DPY19L2: variants seen among roughly 807,000 people sequenced by gnomAD.
DPY19L2 encodes the protein probable C-mannosyltransferase DPY19L2.
In DPY19L2, 34 loss-of-function variants were observed where a neutral mutation model predicts 97.9. The ratio of observed to expected loss-of-function variants is 0.35; its 90% CI spans 0.26 to 0.46. The LOEUF (loss-of-function observed/expected upper bound fraction) is 0.46, where lower values mean the gene tolerates loss of function less well. DPY19L2 is among the 20% of genes least tolerant of loss of function. DPY19L2 has a pLI of 1.00. For missense variants in DPY19L2, 623 were observed against 911.4 expected, an observed-to-expected ratio of 0.68 and a Z score of 4.07; for synonymous variants, 230 against 307.9, an observed-to-expected ratio of 0.75 and a Z score of 2.65.
intron 6 of DPY19L2, among the ~76,000 whole-genome samples, chr12:63,631,272 TC>T (rs1293252190): frequency 5.9e-4 from 89 of 151,934 alleles, no homozygotes; most frequent in African/African-American, 2.1e-3. Context: ...AATCAATGAA[TC>T]CAGGAGCTGG....
chr12:63,566,976 A>G (rs1217582595), intron 21 of DPY19L2, among the ~76,000 whole-genome samples: 2 of 152,084 alleles, frequency 1.3e-5, no homozygotes, highest in African/African-American at 4.8e-5. Flanking sequence ...CATCACCACA[A>G]ACGTTTACCA....
At chr12:63,652,596 A>G (rs1894412418) in intron 4 of DPY19L2, among the ~76,000 whole-genome samples, 1 of 152,228 alleles carries the variant, frequency 6.6e-6, no homozygotes, top group African/African-American at 2.4e-5. Flanking sequence ...TGCAGCCATT[A>G]TAAAGAACAA....
intron 6 of DPY19L2, among the ~76,000 whole-genome samples, chr12:63,627,580 C>T (rs561093940): frequency 6.6e-6 from 1 of 152,244 alleles, no homozygotes; most frequent in Admixed American, 6.5e-5. Flanking sequence ...AAACTCCTGA[C>T]TTCAAGTGAT....
rs998538356 is a variant in DPY19L2, at chr12:63,662,822, T to C, written c.450+936A>G. ...TACATATGTTAATGTATCCAATGCT[T>C]TGAAACTTTATAGGGGCAATATAGG... On this transcript the variant is annotated intron_variant, in intron 3 of 21. Transcript: ENST00000324472. Among the ~76,000 whole-genome samples the C allele has an allele frequency of 2.5e-4, 38 of 152,160 alleles. 1 individual carries two copies. Among genetic ancestry groups the C allele is most frequent in the African/African-American group, 7.5e-4 (31 of 41,450 alleles).
At chr12:63,565,494 T>G (rs1424550624) in intron 21 of DPY19L2, among the ~76,000 whole-genome samples, 1 of 152,220 alleles carries the variant, frequency 6.6e-6, no homozygotes, top group Non-Finnish European at 1.5e-5. Flanking sequence ...ATAAAGACTT[T>G]GTGATTACAT....
At chr12:63,564,514 GT>G (rs1877260464) in intron 21 of DPY19L2, among the ~76,000 whole-genome samples, 1 of 152,086 alleles carries the variant, frequency 6.6e-6, no homozygotes, top group Non-Finnish European at 1.5e-5. Flanking sequence ...GTATTACTTA[GT>G]TTCTAAACAT....
chr12:63,582,525 G>A lies in DPY19L2; in HGVS notation c.1606C>T (p.Leu536=). 6.2e-7 allele frequency: 1 copy of A among 1,605,402 alleles called. No individual in the cohort carries two copies. The highest frequency in any genetic ancestry group is 2.2e-5 in the East Asian group (1 of 44,762). The change falls in exon 18 of 22, where the codon CTG becomes TTG. Residue 536 remains leucine (L), a splice_region_variant and synonymous_variant. Coordinates refer to ENST00000324472, the MANE Select transcript of DPY19L2 (RefSeq NM_173812.5). Reference sequence around the variant, plus strand: ...AACAACTGCAATGTGTGAAAAGCCAGCTATAAAACACAAATAAGACAAAAT... The same window carrying A: ...AACAACTGCAATGTGTGAAAAGCCAACTATAAAACACAAATAAGACAAAAT... ...LRKQLLEHSE[L]AFHTLQLLVF... is the part of the protein sequence containing the mutation.
At chr12:63,600,611 CTT>C (rs71434019) in intron 12 of DPY19L2, among the ~76,000 whole-genome samples, 16,657 of 110,472 alleles carry the variant, frequency 0.15, 684 homozygotes, top group Middle Eastern at 0.23. Flanking sequence ...TATCCTAAAT[CTT>C]TTTTTTTTTT....
intron 19 of DPY19L2, among the ~76,000 whole-genome samples, chr12:63,578,172 G>A (rs1193514765): frequency 6.6e-6 from 1 of 151,904 alleles, no homozygotes; most frequent in Admixed American, 6.6e-5. Flanking sequence ...AACATGGATG[G>A]AACTGGAGGT....
chr12:63,640,134 A>G (rs1892455862), intron 6 of DPY19L2, among the ~76,000 whole-genome samples: 1 of 152,130 alleles, frequency 6.6e-6, no homozygotes, highest in African/African-American at 2.4e-5. Flanking sequence ...TCTCACTCAT[A>G]GGTGGGAATT....
intron 6 of DPY19L2, among the ~76,000 whole-genome samples, chr12:63,626,843 A>C (rs956223030): frequency 6.6e-6 from 1 of 152,018 alleles, no homozygotes; most frequent in African/African-American, 2.4e-5. Flanking sequence ...CAGTGTCGAA[A>C]TCTCAGCTTA....
chr12:63,624,398 A>G (rs1889193646), intron 7 of DPY19L2, among the ~76,000 whole-genome samples: 2 of 152,076 alleles, frequency 1.3e-5, no homozygotes, highest in South Asian at 4.1e-4. Context: ...TTGTACGTAT[A>G]AGAGTTGTGA....
intron 21 of DPY19L2, among the ~76,000 whole-genome samples, chr12:63,565,776 T>C (rs184730628): frequency 7.4e-4 from 112 of 152,264 alleles, no homozygotes; most frequent in African/African-American, 2.5e-3. Context: ...TGCCTTATTT[T>C]GGATTGAGTG....
chr12:63,625,207 C>A (rs1889328190), intron 7 of DPY19L2, among the ~76,000 whole-genome samples: 2 of 151,936 alleles, frequency 1.3e-5, no homozygotes, highest in African/African-American at 2.4e-5. Context: ...ACCAGCCTGG[C>A]CAACATGGTG....
At chr12:63,590,101 C>T (rs1882630620) in intron 16 of DPY19L2, among the ~76,000 whole-genome samples, 1 of 150,542 alleles carries the variant, frequency 6.6e-6, no homozygotes, top group Non-Finnish European at 1.5e-5. Context: ...GCATACACAG[C>T]AGCGAGACAA....
At position 63,600,886 on chromosome 12, in the gene DPY19L2, C is replaced by T. The variant is rs573872376; in HGVS notation, c.1279-500G>A. ...CTGCAAGCTCCGCCTCCCGGGTTCA[C>T]GGCATTCTCCTGCCTCAGCCTCCCG... is the stretch of plus-strand genomic sequence containing the variant. On this transcript the variant is annotated intron_variant, in intron 12 of 21. Coordinates refer to ENST00000324472, the MANE Select transcript of DPY19L2 (RefSeq NM_173812.5). Among the ~76,000 whole-genome samples, 5 of 151,448 alleles carry T rather than the reference C, an allele frequency of 3.3e-5. No individual in the cohort carries two copies. The East Asian group carries it at 5.9e-4, about 18-fold the overall frequency.
In DPY19L2 at chr12:63,623,218, T is replaced by C. The variant is rs557357745; in HGVS notation, c.953+822A>G. 8.6e-5 allele frequency among the ~76,000 whole-genome samples: 13 copies of C among 151,658 alleles called. No individual in the cohort carries two copies. The East Asian group carries it at 2.5e-3, about 29-fold the overall frequency. ...ACCTCTTAAATATCTAAAATGCTTA[T>C]AAATGTAATCCCTACAAAAAAAGTG... On this transcript the variant is annotated intron_variant, in intron 8 of 21. Coordinates refer to ENST00000324472, the MANE Select transcript of DPY19L2 (RefSeq NM_173812.5).
chr12:63,600,788 T>TC lies in DPY19L2; in HGVS notation c.1279-403_1279-402insG, dbSNP rs1885038630. Among the ~76,000 whole-genome samples the TC allele has an allele frequency of 1.3e-4, 3 of 22,900 alleles. No homozygotes were observed. The South Asian group carries it at 2.9e-3, about 22-fold the overall frequency. The allele number at this position is 22,900 out of a possible 152,430, so 15.0% of individuals were successfully genotyped here. A position where few individuals can be genotyped will look rare whatever the true frequency, so the allele number is the denominator to read the frequency against. On this transcript the variant is annotated intron_variant, in intron 12 of 21. Transcript: ENST00000324472. ...ATACATATCCTAAATCTAAAGGAAG[T>TC]TTTTTTTTTTTTTTTGAGAGGGAGT...
At chr12:63,565,613 G>A (rs1465950191) in intron 21 of DPY19L2, among the ~76,000 whole-genome samples, 2 of 152,070 alleles carry the variant, frequency 1.3e-5, no homozygotes, top group East Asian at 3.8e-4. Flanking sequence ...CAATTTCTGG[G>A]AATTAGGACA....
Sources: allele counts gnomAD v4.1 joint callset (sites outside exome capture counted in the v4.1 genomes callset), GRCh38; gene constraint gnomAD v4.1.1; transcripts MANE v1.5; gene names NCBI Gene and HGNC (gene_info 2026-07-23, HGNC 2026-07-21).